NACC2: variants seen among roughly 807,000 people sequenced by gnomAD.
The protein encoded by NACC2 is NACC family member 2.
Under a neutral mutation model 25.1 loss-of-function variants are expected in NACC2, and 8 were observed. The observed-to-expected ratio is 0.32, with a 90% confidence interval of 0.19 to 0.57. The LOEUF is 0.57. NACC2 is among the 20% of genes least tolerant of loss of function. The probability of loss-of-function intolerance (pLI) is 0.89; values close to 1 mark genes in which losing one functional copy is unlikely to be tolerated. For missense variants in NACC2, 644 were observed against 650.2 expected (o/e 0.99, Z 0.10); for synonymous variants, 435 against 294.7 (o/e 1.48, Z -4.88).
At chr9:136,037,658 C>T (rs1840574247) in intron 2 of NACC2, among the ~76,000 whole-genome samples, 1 of 151,994 alleles carries the variant, frequency 6.6e-6, no homozygotes, top group Non-Finnish European at 1.5e-5. Flanking sequence ...CAGGCACCCG[C>T]CACCACATCT....
intron 3 of NACC2, among the ~76,000 whole-genome samples, chr9:136,014,937 A>C (rs1483226163): frequency 6.6e-6 from 1 of 152,120 alleles, no homozygotes. Flanking sequence ...TGGGGAGGGA[A>C]TGCTTTCTGG....
At chr9:136,030,779 A>G (rs1336269610) in intron 2 of NACC2, among the ~76,000 whole-genome samples, 1 of 152,014 alleles carries the variant, frequency 6.6e-6, no homozygotes, top group East Asian at 1.9e-4. Flanking sequence ...CTCCCATCTC[A>G]GCCTCCCGAG....
At chr9:136,048,165 C>G (rs1354789331) in intron 2 of NACC2, among the ~76,000 whole-genome samples, 3 of 152,216 alleles carry the variant, frequency 2.0e-5, no homozygotes, top group Non-Finnish European at 2.9e-5. Context: ...GTCTGGGGTT[C>G]TGCCCTGGGA....
rs1279227696 is a variant in NACC2, at chr9:136,006,835, A to G, written c.*4681T>C. The stretch of plus-strand genomic sequence containing the variant: ...CCTTAAAAAAAAGACAAAAAAAAAA[A>G]GCTAAGCATCTGTGGCTGAAATCTA... On this transcript the variant is annotated 3_prime_UTR_variant, in exon 6 of 6. Coordinates refer to ENST00000277554, the MANE Select transcript of NACC2 (RefSeq NM_144653.5). 2 of 152,264 alleles carry G rather than the reference A, an allele frequency of 1.3e-5. No homozygotes were observed. Among genetic ancestry groups the G allele is most frequent in the Non-Finnish European group, 2.9e-5 (2 of 68,118 alleles). The allele number at this position is 152,264 out of a possible 1,614,324, so 9.4% of individuals were successfully genotyped here.
At position 136,055,762 on chromosome 9, in the gene NACC2, G is replaced by A. The variant is rs1840914682; in HGVS notation, c.-59-5182C>T. On this transcript the variant is annotated intron_variant, in intron 1 of 5. Coordinates refer to ENST00000277554, the MANE Select transcript of NACC2 (RefSeq NM_144653.5). The surrounding 1 kb of genome is among the most constrained non-coding windows in gnomAD (Gnocchi z 4.9). ...CGTGGTAGAGGAAGGAGAGAGGCGGGGCACGGGAAACGTTCTGCGGAGGGG... is the reference window on the plus strand; with the variant it reads ...CGTGGTAGAGGAAGGAGAGAGGCGGAGCACGGGAAACGTTCTGCGGAGGGG... Among the ~76,000 whole-genome samples, 1 of 152,338 alleles carries A rather than the reference G, an allele frequency of 6.6e-6. No individual in the cohort carries two copies. The highest frequency in any genetic ancestry group is 3.4e-3 in the Middle Eastern group (1 of 294).
intron 1 of NACC2, among the ~76,000 whole-genome samples, chr9:136,089,183 G>A (rs951279778): frequency 2.0e-5 from 3 of 151,704 alleles, no homozygotes; most frequent in South Asian, 2.1e-4. Flanking sequence ...GGCTACCCCC[G>A]GGCCCCCACC....
intron 1 of NACC2, among the ~76,000 whole-genome samples, chr9:136,053,313 T>G (rs1489416467): frequency 6.6e-6 from 1 of 152,126 alleles, no homozygotes; most frequent in Non-Finnish European, 1.5e-5. Context: ...GAGATCCAGG[T>G]GCGGGGAAGC....
chr9:136,065,729 C>T (rs1841071275), intron 1 of NACC2, among the ~76,000 whole-genome samples: 2 of 151,446 alleles, frequency 1.3e-5, no homozygotes, highest in African/African-American at 4.9e-5. Context: ...TCACTTTAAC[C>T]TAGGAGGTTG....
At chr9:136,037,594 G>A (rs1038301195) in intron 2 of NACC2, among the ~76,000 whole-genome samples, 6 of 150,626 alleles carry the variant, frequency 4.0e-5, no homozygotes, top group Middle Eastern at 6.9e-3. Context: ...TGCAACCTCT[G>A]CCTCCTAGGT....
At chr9:136,081,413 CG>C (rs1451254342) in intron 1 of NACC2, among the ~76,000 whole-genome samples, 1 of 152,226 alleles carries the variant, frequency 6.6e-6, no homozygotes, top group African/African-American at 2.4e-5. Context: ...CCATCCTCCA[CG>C]CGTCCTCCCA....
chr9:136,013,169 C>CCCCCCCCCCCAGA lies in NACC2; in HGVS notation c.1255+29_1255+30insTCTGGGGGGGGGG, dbSNP rs2131131697. ...TGGGATCTGAACCCAGCCCCGGCCC[C>CCCCCCCCCCCAGA]ACCCACCCGAGAGACCCCCAGGCTC... On this transcript the variant is annotated intron_variant, in intron 5 of 5. Coordinates refer to ENST00000277554, the MANE Select transcript of NACC2 (RefSeq NM_144653.5). The surrounding 1 kb of genome is among the most constrained non-coding windows in gnomAD (Gnocchi z 6.6). 9 of 1,077,566 alleles carry CCCCCCCCCCCAGA rather than the reference C, an allele frequency of 8.4e-6. No individual in the cohort carries two copies. The highest frequency in any genetic ancestry group is 1.3e-5 in the Non-Finnish European group (9 of 700,000). 66.8% of individuals were successfully genotyped at this position (1,077,566 alleles called of 1,614,324 possible). A position where few individuals can be genotyped will look rare whatever the true frequency, so the allele number is the denominator to read the frequency against.
intron 2 of NACC2, among the ~76,000 whole-genome samples, chr9:136,023,345 T>C (rs1426727932): frequency 6.6e-6 from 1 of 151,864 alleles, no homozygotes; most frequent in African/African-American, 2.4e-5. Context: ...CCAGGGCACC[T>C]GGGCCTGCTC....
rs538181085 is a variant in NACC2 at position 136,064,710 on chromosome 9, C to T, written c.-59-14130G>A. Among the ~76,000 whole-genome samples the T allele has an allele frequency of 5.9e-5, 9 of 152,234 alleles. No individual in the cohort carries two copies. The South Asian group carries it at 6.2e-4, about 11-fold the overall frequency. The stretch of plus-strand genomic sequence containing the variant: ...CGGTTAATTTCTTTGCCAACATTGT[C>T]GAGCTGATGCTAAAAATTCATATGG... On this transcript the variant is annotated intron_variant, in intron 1 of 5. Coordinates refer to ENST00000277554, the MANE Select transcript of NACC2 (RefSeq NM_144653.5).
chr9:136,075,579 G>A (rs553333788), intron 1 of NACC2, among the ~76,000 whole-genome samples: 5 of 152,222 alleles, frequency 3.3e-5, no homozygotes, highest in African/African-American at 9.6e-5. Flanking sequence ...TTCTTTTATC[G>A]GGCATAGGCC....
At chr9:136,040,953 T>TGAGACC (rs1242416926) in intron 2 of NACC2, among the ~76,000 whole-genome samples, 2 of 124,338 alleles carry the variant, frequency 1.6e-5, no homozygotes, top group Non-Finnish European at 3.2e-5. Flanking sequence ...AGAGTGAGAG[T>TGAGACC]GAGACCCTGG....
intron 1 of NACC2, among the ~76,000 whole-genome samples, chr9:136,064,797 T>C (rs1841061163): frequency 6.6e-6 from 1 of 152,166 alleles, no homozygotes; most frequent in Non-Finnish European, 1.5e-5. Context: ...GTTAGAGCAG[T>C]CATACTTCCC....
At chr9:136,017,951 A>C (rs1197800199) in intron 2 of NACC2, among the ~76,000 whole-genome samples, 1 of 152,028 alleles carries the variant, frequency 6.6e-6, no homozygotes, top group Non-Finnish European at 1.5e-5. Context: ...CCGGGGCTGG[A>C]CCTTGCTTGC....
intron 1 of NACC2, 109 bp from the exon 2 acceptor site, chr9:136,050,689 CT>C: frequency 1.6e-6 from 1 of 631,640 alleles, no homozygotes; most frequent in East Asian, 2.7e-5. Flanking sequence ...AAGAGCGAGC[CT>C]TCCGCACGCG....
intron 2 of NACC2, among the ~76,000 whole-genome samples, chr9:136,029,022 G>A (rs188991657): frequency 6.6e-6 from 1 of 152,328 alleles, no homozygotes; most frequent in East Asian, 1.9e-4. Flanking sequence ...CAGGTTAATG[G>A]TGGCAGGAGG....
Sources: gnomAD v4.1 joint callset for allele counts (sites outside exome capture counted in the v4.1 genomes callset) on GRCh38, gnomAD v4.1.1 for gene constraint, Gnocchi (gnomAD v3.1) non-coding constraint, MANE v1.5 for transcripts, NCBI Gene and HGNC (gene_info 2026-07-23, HGNC 2026-07-21) for gene names.